Variants in PHACTR3 observed in about 807,000 individuals in gnomAD.
PHACTR3 encodes the protein phosphatase and actin regulator 3.
In PHACTR3, 16 loss-of-function variants were observed where a neutral mutation model predicts 66.8. The ratio of observed to expected loss-of-function variants is 0.24; its 90% CI spans 0.16 to 0.36. The LOEUF is 0.36. PHACTR3 is among the 10% of genes least tolerant of loss of function. The pLI is 1.00. For synonymous variants in PHACTR3, 323 were observed against 292.1 expected, an observed-to-expected ratio of 1.11 and a Z score of -1.08; for missense variants, 647 against 719.9, an observed-to-expected ratio of 0.90 and a Z score of 1.16.
At chr20:59,602,419 A>G (rs2033504784), upstream of PHACTR3, among the ~76,000 whole-genome samples, 1 of 150,134 alleles carries the variant, frequency 6.7e-6, no homozygotes, top group Non-Finnish European at 1.5e-5. Context: ...TCCAGCCTGG[A>G]AAACAGAGCA....
At chr20:59,819,144 C>G (rs1414687573) in intron 8 of PHACTR3, among the ~76,000 whole-genome samples, 9 of 152,116 alleles carry the variant, frequency 5.9e-5, no homozygotes, top group Non-Finnish European at 1.2e-4. Context: ...GTGGCTCATT[C>G]CCGCAATCCC....
At chr20:59,838,272 T>G (rs762102280) in intron 9 of PHACTR3, among the ~76,000 whole-genome samples, 1 of 152,186 alleles carries the variant, frequency 6.6e-6, no homozygotes, top group African/African-American at 2.4e-5. Context: ...TATAGCCTAG[T>G]ATGAAACATC....
At chr20:59,588,716 A>C (rs1303091500) in intron 1 of PHACTR3, among the ~76,000 whole-genome samples, 16 of 127,324 alleles carry the variant, frequency 1.3e-4, no homozygotes, top group African/African-American at 2.5e-4. Flanking sequence ...ACCACCTCCC[A>C]CCCCCGCTCC....
chr20:59,599,774 T>A (rs535327928), upstream of PHACTR3, among the ~76,000 whole-genome samples: 1 of 152,336 alleles, frequency 6.6e-6, no homozygotes, highest in South Asian at 2.1e-4. Flanking sequence ...CACAAACCTG[T>A]GGGAGCCACC....
intron 1 of PHACTR3, among the ~76,000 whole-genome samples, chr20:59,665,224 C>A (rs898362649): frequency 6.6e-6 from 1 of 152,166 alleles, no homozygotes; most frequent in South Asian, 2.1e-4. Flanking sequence ...GGAAATCCTT[C>A]AAGTATGTGG....
chr20:59,727,662 G>A (rs1356184912), intron 1 of PHACTR3, among the ~76,000 whole-genome samples: 1 of 152,108 alleles, frequency 6.6e-6, no homozygotes, highest in Non-Finnish European at 1.5e-5. Flanking sequence ...CCTGTTAAAT[G>A]AGGTACTTAT....
At chr20:59,761,746 G>T (rs1032352617) in intron 4 of PHACTR3, among the ~76,000 whole-genome samples, 2 of 152,204 alleles carry the variant, frequency 1.3e-5, no homozygotes, top group African/African-American at 4.8e-5. Flanking sequence ...TCAGCAAAGA[G>T]GTACCAGTAA....
intron 1 of PHACTR3, among the ~76,000 whole-genome samples, chr20:59,650,337 A>C (rs545582081): frequency 6.6e-6 from 1 of 152,300 alleles, no homozygotes; most frequent in Non-Finnish European, 1.5e-5. Context: ...AAGAATAAAT[A>C]TATGAAGCTG....
intron 9 of PHACTR3, 134 bp from the exon 10 acceptor site, chr20:59,840,235 C>T: frequency 7.2e-7 from 1 of 1,381,264 alleles, no homozygotes; most frequent in Admixed American, 2.8e-5. Context: ...GGGAAGAAAA[C>T]ACCATGAGTG....
intron 12 of PHACTR3, among the ~76,000 whole-genome samples, chr20:59,845,669 G>T (rs953601586): frequency 6.6e-6 from 1 of 151,954 alleles, no homozygotes; most frequent in African/African-American, 2.4e-5. Context: ...TTTTCCTATC[G>T]TAAATTATTA....
Position 59,670,713 on chromosome 20 carries a change from T to C in PHACTR3, c.118+65581T>C, listed in dbSNP as rs2036168289. ...TAGAGGGAGCATTCAAGCTTATGTT[T>C]GTTGGACCTGTGACAGCACGTGGTG... On this transcript the variant is annotated intron_variant, in intron 1 of 12. Transcript: ENST00000371015. 3.3e-5 allele frequency among the ~76,000 whole-genome samples: 5 copies of C among 152,226 alleles called. No individual in the cohort carries two copies. In the South Asian group the frequency reaches 8.3e-4, roughly 25 times the overall value.
chr20:59,691,237 G>C, intron 1 of PHACTR3, among the ~76,000 whole-genome samples: 1 of 152,176 alleles, frequency 6.6e-6, no homozygotes, highest in East Asian at 1.9e-4. Context: ...CCTGTCAGAA[G>C]CTTCCTCTGA....
intron 1 of PHACTR3, among the ~76,000 whole-genome samples, chr20:59,693,431 A>T (rs866080195): frequency 1.1e-4 from 17 of 152,128 alleles, no homozygotes; most frequent in African/African-American, 4.1e-4. Flanking sequence ...TGGGACAGTG[A>T]TGTTTGACTT....
chr20:59,812,978 C>CCCTCGCTCCCAG (rs1478771473), intron 8 of PHACTR3, among the ~76,000 whole-genome samples: 1 of 152,210 alleles, frequency 6.6e-6, no homozygotes, highest in Non-Finnish European at 1.5e-5. Flanking sequence ...AGCCACTGAG[C>CCCTCGCTCCCAG]CTTGCTGCCT....
At chr20:59,581,588 A>C (rs2032859186) in intron 1 of PHACTR3, among the ~76,000 whole-genome samples, 1 of 152,212 alleles carries the variant, frequency 6.6e-6, no homozygotes, top group Non-Finnish European at 1.5e-5. Flanking sequence ...CCCAATCTTT[A>C]GAAATGGCCT....
At chr20:59,730,105 C>A (rs2038710695) in intron 1 of PHACTR3, among the ~76,000 whole-genome samples, 1 of 152,144 alleles carries the variant, frequency 6.6e-6, no homozygotes. Flanking sequence ...GTTTCAGGGC[C>A]TGCAGAGGCT....
intron 1 of PHACTR3, among the ~76,000 whole-genome samples, chr20:59,689,652 T>G (rs6027044): frequency 6.6e-6 from 1 of 152,208 alleles, no homozygotes; most frequent in South Asian, 2.1e-4. Flanking sequence ...TCATTCCATT[T>G]CATAAAGGAA....
rs369125467 is a variant in PHACTR3, at chr20:59,776,852, G to A, written c.1174+2362G>A. 1.3e-3 allele frequency among the ~76,000 whole-genome samples: 192 copies of A among 151,062 alleles called. 3 individuals are homozygous for A. In the South Asian group the frequency reaches 0.035, roughly 27 times the overall value. ...CTTGGCTCCCACCTCTGTCCCTCCC[G>A]CCCAGTGCCTTCCTTCTCTGATTGA... On this transcript the variant is annotated intron_variant, in intron 7 of 12. Coordinates refer to ENST00000371015, the MANE Select transcript of PHACTR3 (RefSeq NM_080672.5).
intron 9 of PHACTR3, among the ~76,000 whole-genome samples, chr20:59,838,821 G>C (rs528372314): frequency 6.6e-6 from 1 of 152,156 alleles, no homozygotes; most frequent in South Asian, 2.1e-4. Context: ...TAATGCAGAG[G>C]GTGTTCTGGG....
Sources: gnomAD v4.1 joint callset for allele counts (sites outside exome capture counted in the v4.1 genomes callset) on GRCh38, gnomAD v4.1.1 for gene constraint, MANE v1.5 for transcripts, NCBI Gene and HGNC (gene_info 2026-07-23, HGNC 2026-07-21) for gene names.